Variants in RAD51B observed in about 807,000 individuals in gnomAD.
RAD51B encodes RAD51 paralog B, also known as DNA repair protein RAD51 homolog 2.
Under a neutral mutation model 42.2 loss-of-function variants are expected in RAD51B, and 38 were observed. The ratio of observed to expected loss-of-function variants is 0.90; its 90% CI spans 0.70 to 1.18. The LOEUF is 1.18. Among genes scored for constraint, RAD51B ranks in the 50% most tolerant of loss-of-function variants. The pLI is 0.00. For missense variants in RAD51B, 373 were observed against 400.7 expected (o/e 0.93, Z 0.59); for synonymous variants, 154 against 145.2 (o/e 1.06, Z -0.43).
At chr14:68,452,846 G>T (rs1015627875) in intron 9 of RAD51B, among the ~76,000 whole-genome samples, 9 of 152,146 alleles carry the variant, frequency 5.9e-5, no homozygotes, top group Non-Finnish European at 7.4e-5. Flanking sequence ...TCTTGAAGAG[G>T]TTAGAGTACC....
intron 7 of RAD51B, among the ~76,000 whole-genome samples, chr14:67,983,019 A>G (rs2075123429): frequency 6.6e-6 from 1 of 152,176 alleles, no homozygotes; most frequent in African/African-American, 2.4e-5. Flanking sequence ...CTATTACCAC[A>G]TCATTGCACT....
At chr14:68,679,059 A>G (rs998476168) in intron 11 of RAD51B, among the ~76,000 whole-genome samples, 1 of 152,094 alleles carries the variant, frequency 6.6e-6, no homozygotes, top group Non-Finnish European at 1.5e-5. Context: ...CCTAAACCCA[A>G]CAAATATAAT....
chr14:68,126,516 A>G (rs2077763736), intron 7 of RAD51B, among the ~76,000 whole-genome samples: 1 of 152,320 alleles, frequency 6.6e-6, no homozygotes, highest in African/African-American at 2.4e-5. Context: ...CTCACCAAAG[A>G]AAATGGGTTT....
chr14:68,065,039 C>T (rs528505808), intron 7 of RAD51B, among the ~76,000 whole-genome samples: 2 of 152,236 alleles, frequency 1.3e-5, no homozygotes, highest in African/African-American at 2.4e-5. Context: ...TGCTTTTCAT[C>T]TTGGATCCCT....
intron 10 of RAD51B, among the ~76,000 whole-genome samples, chr14:68,537,047 T>G (rs1419122723): frequency 7.4e-6 from 1 of 135,736 alleles, no homozygotes; most frequent in Admixed American, 8.4e-5. Flanking sequence ...GAGCCATGAC[T>G]GCACCACTGC....
chr14:67,870,796 T>A, intron 5 of RAD51B, among the ~76,000 whole-genome samples: 1 of 115,952 alleles, frequency 8.6e-6, no homozygotes, highest in Non-Finnish European at 1.8e-5. Context: ...TCAAAACCGC[T>A]CAACTACATG....
chr14:68,357,567 G>A (rs570858102), intron 8 of RAD51B, among the ~76,000 whole-genome samples: 1 of 152,108 alleles, frequency 6.6e-6, no homozygotes, highest in Non-Finnish European at 1.5e-5. Context: ...ATCTATGGCA[G>A]CTATAGCCTT....
chr14:68,548,390 G>A (rs192733921), intron 10 of RAD51B, among the ~76,000 whole-genome samples: 125 of 152,290 alleles, frequency 8.2e-4, no homozygotes, highest in Admixed American at 7.5e-3. Context: ...TATTCATCTT[G>A]TTTAGTGCTT....
At chr14:68,347,739 GCAGT>G (rs1160512403) in intron 8 of RAD51B, among the ~76,000 whole-genome samples, 1 of 152,162 alleles carries the variant, frequency 6.6e-6, no homozygotes, top group Non-Finnish European at 1.5e-5. Context: ...ACTAATACTA[GCAGT>G]CTTTGTTCCT....
At chr14:67,932,933 G>A (rs908717691) in intron 7 of RAD51B, among the ~76,000 whole-genome samples, 8 of 152,156 alleles carry the variant, frequency 5.3e-5, no homozygotes, top group African/African-American at 9.7e-5. Context: ...CAGTGGCAGC[G>A]GCTGTAGTGG....
intron 7 of RAD51B, among the ~76,000 whole-genome samples, chr14:68,193,134 G>A (rs1218902681): frequency 6.6e-6 from 1 of 152,126 alleles, no homozygotes; most frequent in Non-Finnish European, 1.5e-5. Context: ...GTGCTTCCCT[G>A]AATACAGCAT....
In RAD51B at chr14:67,934,050, T is replaced by C. The variant is rs113456117; in HGVS notation, c.756+46846T>C. Among the ~76,000 whole-genome samples the C allele has an allele frequency of 6.9e-3, 1,052 of 152,294 alleles. 9 individuals carry two copies. Among genetic ancestry groups the C allele is most frequent in the Non-Finnish European group, 9.6e-3 (652 of 68,032 alleles). ...GCTTGGTTGTAGATGTGAAAGGAAATGGGTTCATTGTATCTGATGCTGCCG... is the reference window on the plus strand; with the variant it reads ...GCTTGGTTGTAGATGTGAAAGGAAACGGGTTCATTGTATCTGATGCTGCCG... On this transcript the variant is annotated intron_variant, in intron 7 of 10. Transcript: ENST00000471583.
chr14:68,419,741 G>A (rs1165713390), intron 9 of RAD51B, among the ~76,000 whole-genome samples: 3 of 152,168 alleles, frequency 2.0e-5, no homozygotes, highest in East Asian at 1.9e-4. Context: ...CTGATCTTGC[G>A]AGCATGGGAG....
At chr14:68,397,570 C>T (rs2083961626) in intron 8 of RAD51B, among the ~76,000 whole-genome samples, 1 of 152,232 alleles carries the variant, frequency 6.6e-6, no homozygotes. Context: ...GACCTTGAAA[C>T]TTGTGAGCTG....
intron 10 of RAD51B, chr14:68,562,235 A>G (rs1889189499): frequency 5.1e-6 from 5 of 985,382 alleles, no homozygotes; most frequent in African/African-American, 1.7e-5. Context: ...TTCCAGTGAT[A>G]CTGAAAGAAC....
chr14:68,498,686 G>A (rs1254989860), intron 10 of RAD51B, among the ~76,000 whole-genome samples: 2 of 152,114 alleles, frequency 1.3e-5, no homozygotes, highest in East Asian at 3.8e-4. Flanking sequence ...CACCACCAGA[G>A]CCCCATGCAA....
intron 7 of RAD51B, among the ~76,000 whole-genome samples, chr14:68,158,311 GA>G: frequency 6.6e-6 from 1 of 152,204 alleles, no homozygotes; most frequent in Admixed American, 6.5e-5. Flanking sequence ...CTATGGACTG[GA>G]CCCAAATGGT....
At position 68,172,209 on chromosome 14, in the gene RAD51B, T is replaced by C. The variant is rs185854943; in HGVS notation, c.757-119675T>C. On this transcript the variant is annotated intron_variant, in intron 7 of 10. Coordinates refer to ENST00000471583, the MANE Select transcript of RAD51B (RefSeq NM_133510.4). ...CCTCCCTTAAATCGCCTAGTTCTCA[T>C]TTTGAAAAGGTAGAGAAATCCTTTG... 9.8e-5 allele frequency among the ~76,000 whole-genome samples: 15 copies of C among 152,334 alleles called. No individual in the cohort carries two copies. In the East Asian group the frequency reaches 2.9e-3, roughly 29 times the overall value.
chr14:67,896,730 T>C (rs1392828425), intron 7 of RAD51B, among the ~76,000 whole-genome samples: 1 of 152,218 alleles, frequency 6.6e-6, no homozygotes, highest in Non-Finnish European at 1.5e-5. Flanking sequence ...ATTTGTTTTT[T>C]TGGTTGATAT....
Sources: allele counts gnomAD v4.1 joint callset (sites outside exome capture counted in the v4.1 genomes callset), GRCh38; gene constraint gnomAD v4.1.1; transcripts MANE v1.5; gene names NCBI Gene and HGNC (gene_info 2026-07-23, HGNC 2026-07-21).